The following REEP5 variants were observed in gnomAD, a reference collection of about 807,000 sequenced individuals.
REEP5 encodes the protein receptor expression-enhancing protein 5.
A neutral mutation model predicts 22.4 loss-of-function variants in REEP5; 24 were observed. The observed-to-expected ratio is 1.07, with a 90% CI of 0.78 to 1.51. The LOEUF (loss-of-function observed/expected upper bound fraction) is 1.51, where lower values mean the gene tolerates loss of function less well. REEP5 is among the 40% of genes most tolerant of loss of function. The pLI is 0.00. For missense variants in REEP5, 252 were observed against 233.0 expected (o/e 1.08, Z -0.53); for synonymous variants, 103 against 88.6 (o/e 1.16, Z -0.92).
chr5:112,908,806 C>T (rs974777209), intron 2 of REEP5, among the ~76,000 whole-genome samples: 15 of 151,850 alleles, frequency 9.9e-5, no homozygotes, highest in Admixed American at 5.9e-4. Context: ...CCGCCCACCT[C>T]GGCCTCCCAA....
intron 3 of REEP5, chr5:112,894,100 G>A (rs1768597147): frequency 1.3e-5 from 2 of 149,906 alleles, no homozygotes; most frequent in African/African-American, 5.0e-5. Context: ...CCTTTTGGTT[G>A]GTTTTGTTTT....
chr5:112,880,868 C>T (rs1768052128), intron 4 of REEP5, among the ~76,000 whole-genome samples: 1 of 152,060 alleles, frequency 6.6e-6, no homozygotes, highest in African/African-American at 2.4e-5. Context: ...GTGGCTCATG[C>T]CTGTAATCCC....
At chr5:112,922,029 G>A (rs1769384328) in intron 1 of REEP5, 44 bp downstream of exon 1, 2 of 1,556,588 alleles carry the variant, frequency 1.3e-6, no homozygotes, top group African/African-American at 1.4e-5. Flanking sequence ...GGGCAGCGGC[G>A]GCTCCCGTGG....
chr5:112,911,794 G>C (rs1214164980), intron 2 of REEP5, among the ~76,000 whole-genome samples: 1 of 152,102 alleles, frequency 6.6e-6, no homozygotes, highest in South Asian at 2.1e-4. Flanking sequence ...AAAACCACTA[G>C]CCATATCACA....
At chr5:112,908,436 T>C (rs946830434) in intron 2 of REEP5, among the ~76,000 whole-genome samples, 14 of 152,154 alleles carry the variant, frequency 9.2e-5, no homozygotes, top group African/African-American at 3.1e-4. Context: ...TTTTCTCCTA[T>C]GAGACTAGTT....
intron 2 of REEP5, among the ~76,000 whole-genome samples, chr5:112,913,490 A>G (rs1769162409): frequency 1.4e-5 from 2 of 139,836 alleles, no homozygotes; most frequent in East Asian, 4.7e-4. Context: ...GTGAGTCATG[A>G]TTGCACCACT....
intron 2 of REEP5, among the ~76,000 whole-genome samples, chr5:112,913,370 GAAGAAAGAAA>G (rs1769153146): frequency 1.0e-5 from 1 of 97,056 alleles, no homozygotes; most frequent in South Asian, 2.7e-4. Flanking sequence ...AGGAAAGAAA[GAAGAAAGAAA>G]GAGAAAGAAA....
chr5:112,891,445 A>G (rs1161742291), intron 3 of REEP5, among the ~76,000 whole-genome samples: 1 of 152,194 alleles, frequency 6.6e-6, no homozygotes. Flanking sequence ...CTTAATTACA[A>G]AAAAAGTCTA....
chr5:112,920,876 G>A (rs1228367838), intron 2 of REEP5, among the ~76,000 whole-genome samples: 2 of 152,204 alleles, frequency 1.3e-5, no homozygotes, highest in East Asian at 3.8e-4. Flanking sequence ...ACCAGTAAAG[G>A]GAGGACGACA....
rs1274380195 is a variant in REEP5 at position 112,877,037 on chromosome 5, G to T, written c.*1749C>A. The T allele has an allele frequency of 6.6e-6, 1 of 151,504 alleles. No individual in the cohort carries two copies. The highest frequency in any genetic ancestry group is 1.9e-4 in the East Asian group (1 of 5,184). 9.4% of individuals were successfully genotyped at this position (151,504 alleles called of 1,614,324 possible). On this transcript the variant is annotated 3_prime_UTR_variant, in exon 5 of 5. Coordinates refer to ENST00000379638, the MANE Select transcript of REEP5 (RefSeq NM_005669.5). ...ACTGTACTTTTATTTATGGGAAAAG[G>T]ATTTAAATACTCCTAGATACTTAAA...
intron 2 of REEP5, among the ~76,000 whole-genome samples, chr5:112,905,317 G>C (rs1259351631): frequency 6.6e-6 from 1 of 152,106 alleles, no homozygotes; most frequent in East Asian, 1.9e-4. Context: ...GAGGTGGGCA[G>C]ATCACCTGAG....
intron 3 of REEP5, chr5:112,893,475 A>G: frequency 6.3e-6 from 1 of 158,696 alleles, no homozygotes; most frequent in Non-Finnish European, 1.4e-5. Flanking sequence ...CATTCAATCC[A>G]ATGGGATTCA....
At chr5:112,922,052 C>T in intron 1 of REEP5, 21 bp downstream of exon 1, 3 of 1,579,972 alleles carry the variant, frequency 1.9e-6, no homozygotes, top group Admixed American at 1.8e-5. Flanking sequence ...CTACCAGCGG[C>T]GGCGACCCCC....
chr5:112,878,470 A>C lies in REEP5; in HGVS notation c.*316T>G. The C allele has an allele frequency of 6.4e-6, 2 of 312,824 alleles. No individual in the cohort carries two copies. Among genetic ancestry groups the C allele is most frequent in the Non-Finnish European group, 5.9e-6 (1 of 170,570 alleles). The allele number at this position is 312,824 out of a possible 1,614,324, so 19.4% of individuals were successfully genotyped here. ...GCGTGCAGGGAGAGCCCAGTAAAGT[A>C]CACAGCCTGTGGGGTATATAATTTT... is the stretch of plus-strand genomic sequence containing the variant. On this transcript the variant is annotated 3_prime_UTR_variant, in exon 5 of 5. Coordinates refer to ENST00000379638, the MANE Select transcript of REEP5 (RefSeq NM_005669.5).
intron 3 of REEP5, among the ~76,000 whole-genome samples, 191 bp from the exon 4 acceptor site, chr5:112,887,374 G>C (rs1700252275): frequency 6.6e-6 from 1 of 152,182 alleles, no homozygotes; most frequent in Non-Finnish European, 1.5e-5. Context: ...TAATGAGCTG[G>C]TAAGGAAAAG....
chr5:112,893,207 T>A, intron 3 of REEP5: 1 of 414,764 alleles, frequency 2.4e-6, no homozygotes. Flanking sequence ...GTCAGGAGTT[T>A]GAGGCCAGCC....
intron 4 of REEP5, chr5:112,881,942 T>TGG (rs1768089195): frequency 6.6e-6 from 1 of 150,500 alleles, no homozygotes; most frequent in African/African-American, 2.4e-5. Flanking sequence ...TTTTTGTGTT[T>TGG]TTTTTTTTTT....
chr5:112,906,442 C>A (rs469827), intron 2 of REEP5, among the ~76,000 whole-genome samples: 64,298 of 152,058 alleles, frequency 0.42, 14,660 homozygotes, highest in African/African-American at 0.61. Context: ...TATTGAATTA[C>A]TATACATACA....
chr5:112,922,053 G>A lies in REEP5; in HGVS notation c.118+20C>T. The A allele has an allele frequency of 6.3e-7, 1 of 1,579,336 alleles. No individual in the cohort carries two copies. Among genetic ancestry groups the A allele is most frequent in the Middle Eastern group, 1.7e-4 (1 of 5,812 alleles). ...CGGCTCCCGTGGCCCTACCAGCGGC[G>A]GCGACCCCCGGCCACCCACCAAGAG... On this transcript the variant is annotated intron_variant, in intron 1 of 4. Transcript: ENST00000379638.
Sources: gnomAD v4.1 joint callset for allele counts (sites outside exome capture counted in the v4.1 genomes callset) on GRCh38, gnomAD v4.1.1 for gene constraint, MANE v1.5 for transcripts, NCBI Gene and HGNC (gene_info 2026-07-23, HGNC 2026-07-21) for gene names.